Variants in SPOCK1 observed in about 807,000 individuals in gnomAD.
SPOCK1 encodes the protein SPARC (osteonectin), cwcv and kazal like domains proteoglycan 1.
SPOCK1 carries 23 observed loss-of-function variants against 55.3 expected under a neutral mutation model. The observed-to-expected ratio is 0.42, with a 90% CI of 0.30 to 0.59. The LOEUF is 0.59. SPOCK1 is among the 20% of genes least tolerant of loss of function. The pLI, the probability that SPOCK1 is intolerant of heterozygous loss-of-function variation, is 0.22. For synonymous variants in SPOCK1, 226 were observed against 221.0 expected, an observed-to-expected ratio of 1.02 and a Z score of -0.20; for missense variants, 499 against 552.5, an observed-to-expected ratio of 0.90 and a Z score of 0.97.
At chr5:137,256,041 C>A (rs904247702) in intron 3 of SPOCK1, among the ~76,000 whole-genome samples, 5 of 152,204 alleles carry the variant, frequency 3.3e-5, no homozygotes, top group African/African-American at 4.8e-5. Flanking sequence ...ACCCTCCTGG[C>A]AGCAAGGAAA....
intron 2 of SPOCK1, among the ~76,000 whole-genome samples, chr5:137,278,092 G>A (rs1757103935): frequency 6.6e-6 from 1 of 152,184 alleles, no homozygotes; most frequent in Non-Finnish European, 1.5e-5. Context: ...TGCAAAGTGA[G>A]GGATGCTATG....
At chr5:137,120,566 A>G (rs1753666767) in intron 4 of SPOCK1, among the ~76,000 whole-genome samples, 1 of 152,220 alleles carries the variant, frequency 6.6e-6, no homozygotes, top group Admixed American at 6.5e-5. Flanking sequence ...AGAATTTCCA[A>G]AAACACTGCA....
intron 5 of SPOCK1, among the ~76,000 whole-genome samples, chr5:137,093,801 C>T (rs1158890266): frequency 6.6e-6 from 1 of 152,162 alleles, no homozygotes; most frequent in East Asian, 1.9e-4. Flanking sequence ...ACCCAAGTGA[C>T]TGGAGCAGAG....
At chr5:137,120,142 C>A (rs1417980457) in intron 4 of SPOCK1, among the ~76,000 whole-genome samples, 6 of 152,218 alleles carry the variant, frequency 3.9e-5, no homozygotes, top group Admixed American at 2.6e-4. Flanking sequence ...TGCTTCACCC[C>A]GTCTTGCTTG....
chr5:137,331,666 G>A (rs1580870474), intron 2 of SPOCK1, among the ~76,000 whole-genome samples: 1 of 152,180 alleles, frequency 6.6e-6, no homozygotes. Context: ...GAAAGGAGAG[G>A]TCCCAGACGC....
chr5:137,352,263 G>C (rs1235727628), intron 2 of SPOCK1, among the ~76,000 whole-genome samples: 1 of 152,194 alleles, frequency 6.6e-6, no homozygotes, highest in Non-Finnish European at 1.5e-5. Context: ...TAATAGACTA[G>C]ATGTTCTTCC....
chr5:136,978,143 T>TAAA lies in SPOCK1; in HGVS notation c.*510_*511insTTT. 1 of 388,406 alleles carries TAAA rather than the reference T, an allele frequency of 2.6e-6. No homozygotes were observed. The allele number at this position is 388,406 out of a possible 1,614,324, so 24.1% of individuals were successfully genotyped here. A position where few individuals can be genotyped will look rare whatever the true frequency, so the allele number is the denominator to read the frequency against. On this transcript the variant is annotated 3_prime_UTR_variant, in exon 11 of 11. Transcript: ENST00000394945. ...TGTGAAAAAAACTAATTTTTAATAA[T>TAAA]AATCACCGGCAGTAACGGGGGCAGG...
chr5:137,408,641 C>A (rs2127187768), intron 2 of SPOCK1, among the ~76,000 whole-genome samples: 1 of 152,336 alleles, frequency 6.6e-6, no homozygotes, highest in East Asian at 1.9e-4. Flanking sequence ...CATGTTTACC[C>A]TCTCTGGACC....
At chr5:137,488,615 A>T (rs1246329394) in intron 2 of SPOCK1, among the ~76,000 whole-genome samples, 1 of 152,096 alleles carries the variant, frequency 6.6e-6, no homozygotes, top group Non-Finnish European at 1.5e-5. Flanking sequence ...TTAGAGCGTG[A>T]CTCCATTTGC....
At chr5:137,300,591 G>T (rs1757571113) in intron 2 of SPOCK1, among the ~76,000 whole-genome samples, 1 of 152,188 alleles carries the variant, frequency 6.6e-6, no homozygotes, top group Admixed American at 6.5e-5. Context: ...AAACTGCTCA[G>T]TTCTTCCAGA....
At chr5:137,013,859 C>G (rs1294714891) in intron 6 of SPOCK1, among the ~76,000 whole-genome samples, 1 of 152,236 alleles carries the variant, frequency 6.6e-6, no homozygotes, top group South Asian at 2.1e-4. Context: ...ACAGGAGTTA[C>G]AGTTTTTTTT....
intron 2 of SPOCK1, among the ~76,000 whole-genome samples, chr5:137,482,081 G>A (rs950328415): frequency 3.3e-5 from 5 of 152,148 alleles, no homozygotes; most frequent in African/African-American, 7.2e-5. Context: ...GCTGGATGTC[G>A]GGGATAGAAA....
intron 3 of SPOCK1, among the ~76,000 whole-genome samples, chr5:137,148,816 C>T (rs1190424313): frequency 6.6e-6 from 1 of 152,160 alleles, no homozygotes; most frequent in Non-Finnish European, 1.5e-5. Flanking sequence ...GGATTTTAAT[C>T]TTGGCGAGTC....
rs185392790 is a variant in SPOCK1, at chr5:137,031,033, A to G, written c.589+36682T>C. Among the ~76,000 whole-genome samples the G allele has an allele frequency of 2.9e-4, 44 of 152,362 alleles. No individual in the cohort carries two copies. In the East Asian group the frequency reaches 5.6e-3, roughly 19 times the overall value. The stretch of plus-strand genomic sequence containing the variant: ...GTATTTTTCTTTTCTCTACATTAAA[A>G]TAATTAATATTTCCCACATGTTCAA... On this transcript the variant is annotated intron_variant, in intron 6 of 10. Transcript: ENST00000394945.
chr5:137,175,385 A>T (rs1754835381), intron 3 of SPOCK1, among the ~76,000 whole-genome samples: 1 of 152,218 alleles, frequency 6.6e-6, no homozygotes, highest in Non-Finnish European at 1.5e-5. Context: ...CTTGATAAGT[A>T]CAAAAGTTGT....
In SPOCK1 at chr5:137,433,710, T is replaced by A. The variant is rs570686557; in HGVS notation, c.186+64663A>T. 3.9e-5 allele frequency among the ~76,000 whole-genome samples: 6 copies of A among 152,292 alleles called. No individual in the cohort carries two copies. The South Asian group carries it at 1.0e-3, about 26-fold the overall frequency. ...AACCTTTATCATGCATGCTCCCAGA[T>A]GGAATCCAACCAACTAGAACAAAGC... On this transcript the variant is annotated intron_variant, in intron 2 of 10. Coordinates refer to ENST00000394945, the MANE Select transcript of SPOCK1 (RefSeq NM_004598.4).
At chr5:136,996,917 C>T (rs1046298639) in intron 6 of SPOCK1, among the ~76,000 whole-genome samples, 2 of 152,078 alleles carry the variant, frequency 1.3e-5, no homozygotes, top group Admixed American at 6.5e-5. Context: ...CGTTCTTTTG[C>T]TCTTAACAAT....
intron 2 of SPOCK1, among the ~76,000 whole-genome samples, chr5:137,274,816 A>G (rs1456866349): frequency 6.6e-6 from 1 of 152,208 alleles, no homozygotes; most frequent in Admixed American, 6.5e-5. Flanking sequence ...CTTGAGCTAC[A>G]GGCATATTTT....
At chr5:137,388,228 A>G (rs976326600) in intron 2 of SPOCK1, among the ~76,000 whole-genome samples, 3 of 152,246 alleles carry the variant, frequency 2.0e-5, no homozygotes, top group Non-Finnish European at 2.9e-5. Flanking sequence ...TACTGAGTGG[A>G]TGAGAGTTTC....
Sources: allele counts gnomAD v4.1 joint callset (sites outside exome capture counted in the v4.1 genomes callset), GRCh38; gene constraint gnomAD v4.1.1; transcripts MANE v1.5; gene names NCBI Gene and HGNC (gene_info 2026-07-23, HGNC 2026-07-21).